Variants in ANKH observed in about 807,000 individuals in gnomAD.
ANKH encodes the protein mineralization regulator ANKH.
Under a neutral mutation model 49.0 loss-of-function variants are expected in ANKH, and 15 were observed. That is an observed-to-expected ratio of 0.31 (90% CI 0.20 to 0.47). The LOEUF (loss-of-function observed/expected upper bound fraction) is 0.47. Ranked by LOEUF, ANKH falls within the 20% of genes least tolerant of loss-of-function variation. ANKH has a pLI of 1.00. For synonymous variants in ANKH, 273 were observed against 260.0 expected (o/e 1.05, Z -0.48); for missense variants, 429 against 652.0 (o/e 0.66, Z 3.72).
intron 8 of ANKH, among the ~76,000 whole-genome samples, chr5:14,740,128 G>T (rs934236767): frequency 1.3e-5 from 2 of 152,170 alleles, no homozygotes; most frequent in Non-Finnish European, 2.9e-5. Context: ...CAGTATGAAA[G>T]AAGACAGAGG....
At chr5:14,736,232 C>A (rs985369600) in intron 8 of ANKH, among the ~76,000 whole-genome samples, 7 of 151,990 alleles carry the variant, frequency 4.6e-5, no homozygotes, top group African/African-American at 1.4e-4. Flanking sequence ...GCCAGTGAAA[C>A]CAGTTATTTG....
chr5:14,744,599 A>G (rs1408922520), intron 7 of ANKH, among the ~76,000 whole-genome samples: 4 of 76,390 alleles, frequency 5.2e-5, no homozygotes, highest in African/African-American at 9.7e-5. Flanking sequence ...ATTCACAGAG[A>G]AACTGCTCGG....
intron 1 of ANKH, among the ~76,000 whole-genome samples, chr5:14,822,747 A>C (rs1358413142): frequency 6.6e-6 from 1 of 152,248 alleles, no homozygotes; most frequent in Non-Finnish European, 1.5e-5. Context: ...GCCATTAAAC[A>C]TTACTAATAC....
intron 8 of ANKH, among the ~76,000 whole-genome samples, chr5:14,721,825 G>A (rs1179367470): frequency 1.3e-5 from 2 of 150,756 alleles, no homozygotes; most frequent in Admixed American, 6.7e-5. Context: ...AGCTACTCGT[G>A]AGGCTGAGGC....
intron 8 of ANKH, chr5:14,741,178 C>T (rs748022884): frequency 6.6e-6 from 1 of 152,370 alleles, no homozygotes; most frequent in African/African-American, 2.4e-5. Context: ...CCTATTTTAT[C>T]CATGTTTTTT....
Position 14,711,054 on chromosome 5 carries a change from A to G in ANKH, c.*143T>C. The G allele has an allele frequency of 3.9e-6, 3 of 767,934 alleles. No individual in the cohort carries two copies. The highest frequency in any genetic ancestry group is 4.6e-6 in the Non-Finnish European group (2 of 430,222). The allele number at this position is 767,934 out of a possible 1,614,324, so 47.6% of individuals were successfully genotyped here. ...GCATACCCAGTATGCTAGAGAATTG[A>G]CACGAAACCTTTAAATCAAGGCCTC... On this transcript the variant is annotated 3_prime_UTR_variant, in exon 12 of 12. Transcript: ENST00000284268.
chr5:14,793,023 T>TTATATATATAAAAATATATATATATAA (rs1740232872), intron 1 of ANKH, among the ~76,000 whole-genome samples: 9 of 66,600 alleles, frequency 1.4e-4, no homozygotes, highest in Non-Finnish European at 2.6e-4. Flanking sequence ...TATATATAAA[T>TTATATATATAAAAATATATATATATAA]ATATATATAT....
At chr5:14,797,453 A>T in intron 1 of ANKH, 1 of 1,611,242 alleles carries the variant, frequency 6.2e-7, no homozygotes, top group African/African-American at 1.3e-5. Context: ...TTTCATCCTT[A>T]TGTGACTCAA....
rs1030639375 is a variant in ANKH, at chr5:14,709,264, T to TTTAA, written c.*1929_*1932dup. ...AAGTCACACATGTTAAAAAATACTG[T>TTTAA]TTAATTTTCTAGTAATGTCCTTTAA... On this transcript the variant is annotated 3_prime_UTR_variant, in exon 12 of 12. Transcript: ENST00000284268. The TTTAA allele has an allele frequency of 3.0e-4, 46 of 150,932 alleles. No individual in the cohort carries two copies. Among genetic ancestry groups the TTTAA allele is most frequent in the African/African-American group, 1.1e-3 (44 of 41,222 alleles). 9.3% of individuals were successfully genotyped at this position (150,932 alleles called of 1,614,324 possible). A position where few individuals can be genotyped will look rare whatever the true frequency, so the allele number is the denominator to read the frequency against.
Position 14,755,862 on chromosome 5 carries a change from T to C in ANKH, c.515A>G (p.Gln172Arg). 1 of 1,613,936 alleles carries C rather than the reference T, an allele frequency of 6.2e-7. No homozygotes were observed. ...GCASISDVIA[Q>R]VVFVAILLHS... ...GATTGACACACAGACCATATTTACCTGAGCTATGACATCTGAGATTGAGGC... is the reference window on the plus strand; with the variant it reads ...GATTGACACACAGACCATATTTACCCGAGCTATGACATCTGAGATTGAGGC... Residue 172 changes from glutamine (Q) to arginine (R), a missense_variant and splice_region_variant, in exon 4 of 12, where the codon CAG (glutamine) becomes CGG (arginine). Around this residue, in one of 2 missense-constraint regions of ANKH, gnomAD observed 378 missense variants for 615.3 expected, o/e 0.61. Transcript: ENST00000284268.
Position 14,716,721 on chromosome 5 carries a change from A to T in ANKH, c.1126T>A (p.Phe376Ile). 6.2e-7 allele frequency: 1 copy of T among 1,614,142 alleles called. No individual in the cohort carries two copies. The highest frequency in any genetic ancestry group is 8.5e-7 in the Non-Finnish European group (1 of 1,179,962). The change falls in exon 9 of 12, where the codon TTC becomes ATC. Residue 376 changes from phenylalanine (F) to isoleucine (I), a missense_variant. This residue lies in a region of ANKH where 378 missense variants were observed against 615.3 expected (regional missense o/e 0.61). Transcript: ENST00000284268. ...LCVVPLRIFS[F>I]FPVPVTVRAH... ...TTTTCTTTACCTGGAACTGGGAAGA[A>T]GGAGAAGATCCGCAAAGGAACAACA...
At position 14,738,722 on chromosome 5, in the gene ANKH, T is replaced by C. The variant is rs10070153; in HGVS notation, c.1011+3105A>G. 2.9e-3 allele frequency among the ~76,000 whole-genome samples: 436 copies of C among 150,992 alleles called. 4 individuals carry two copies. The highest frequency in any genetic ancestry group is 0.01 in the African/African-American group (414 of 41,092). ...GAATTCGACATCAGCCTGAGCAACA[T>C]AGTGAGACCCCTTCTATACAAACAG... On this transcript the variant is annotated intron_variant, in intron 8 of 11. Coordinates refer to ENST00000284268, the MANE Select transcript of ANKH (RefSeq NM_054027.6).
At chr5:14,727,823 T>A (rs1217885234) in intron 8 of ANKH, among the ~76,000 whole-genome samples, 1 of 152,134 alleles carries the variant, frequency 6.6e-6, no homozygotes, top group Non-Finnish European at 1.5e-5. Flanking sequence ...GACTTCACTG[T>A]CCCTTTAAAA....
intron 1 of ANKH, among the ~76,000 whole-genome samples, chr5:14,831,217 C>G (rs576205270): frequency 1.3e-5 from 2 of 152,192 alleles, no homozygotes; most frequent in African/African-American, 2.4e-5. Context: ...GTGAAAACTT[C>G]ACAGAACCGG....
chr5:14,824,167 G>A (rs540988011), intron 1 of ANKH, among the ~76,000 whole-genome samples: 20 of 151,332 alleles, frequency 1.3e-4, no homozygotes, highest in African/African-American at 4.4e-4. Flanking sequence ...CTTGAAAGAA[G>A]GAAAAAAAAT....
chr5:14,736,305 G>A (rs1050505046), intron 8 of ANKH, among the ~76,000 whole-genome samples: 1 of 152,176 alleles, frequency 6.6e-6, no homozygotes, highest in Non-Finnish European at 1.5e-5. Context: ...TCATCAGAAT[G>A]TGGGTGTGTG....
intron 8 of ANKH, among the ~76,000 whole-genome samples, chr5:14,718,349 C>T (rs537037766): frequency 1.0e-3 from 156 of 152,006 alleles, no homozygotes; most frequent in Non-Finnish European, 2.0e-3. Flanking sequence ...TGACAAAGGC[C>T]TCCAATGTGA....
intron 11 of ANKH, among the ~76,000 whole-genome samples, chr5:14,711,816 C>A (rs1043518068): frequency 7.9e-5 from 12 of 152,346 alleles, no homozygotes; most frequent in African/African-American, 2.9e-4. Context: ...GTTGCCTGTT[C>A]TTACAATAAA....
intron 1 of ANKH, among the ~76,000 whole-genome samples, chr5:14,800,532 TC>T (rs1299740076): frequency 1.3e-5 from 2 of 152,258 alleles, no homozygotes; most frequent in East Asian, 3.9e-4. Flanking sequence ...ACCACCCTGA[TC>T]AGCCAGCAGC....
Sources: allele counts gnomAD v4.1 joint callset (sites outside exome capture counted in the v4.1 genomes callset), GRCh38; gene constraint gnomAD v4.1.1; regional missense constraint gnomAD v4.1.1; transcripts MANE v1.5; gene names NCBI Gene and HGNC (gene_info 2026-07-23, HGNC 2026-07-21).